The following OSBPL3 variants were observed in gnomAD, a reference collection of about 807,000 sequenced individuals.
The protein encoded by OSBPL3 is oxysterol-binding protein-related protein 3.
In OSBPL3, 65 loss-of-function variants were observed where a neutral mutation model predicts 120.1. The observed-to-expected ratio is 0.54, with a 90% CI of 0.44 to 0.67. The LOEUF is 0.67. OSBPL3 is among the 30% of genes least tolerant of loss of function. OSBPL3 has a pLI of 0.00. For synonymous variants in OSBPL3, 416 were observed against 402.6 expected, an observed-to-expected ratio of 1.03 and a Z score of -0.40; for missense variants, 1,004 against 1,082.1, an observed-to-expected ratio of 0.93 and a Z score of 1.01.
rs1796837115 is a variant in OSBPL3 at position 24,835,073 on chromosome 7, T to G, written c.1496-337A>C. Among the ~76,000 whole-genome samples the G allele has an allele frequency of 6.6e-6, 1 of 152,224 alleles. No homozygotes were observed. The highest frequency in any genetic ancestry group is 2.4e-5 in the African/African-American group (1 of 41,456). ...TTGTTTATAAAAACTTGTAAACTTTTTAAAAAATCACTTTAAATTCTGGTA... is the reference window on the plus strand; with the variant it reads ...TTGTTTATAAAAACTTGTAAACTTTGTAAAAAATCACTTTAAATTCTGGTA... On this transcript the variant is annotated intron_variant, in intron 14 of 22. Transcript: ENST00000313367. The surrounding 1 kb of genome is among the most constrained non-coding windows in gnomAD (Gnocchi z 4.8).
rs1181924999 is a variant in OSBPL3 at position 24,966,647 on chromosome 7, C to G, written c.-150+13239G>C. Among the ~76,000 whole-genome samples, 1 of 152,166 alleles carries G rather than the reference C, an allele frequency of 6.6e-6. No individual in the cohort carries two copies. Among genetic ancestry groups the G allele is most frequent in the Non-Finnish European group, 1.5e-5 (1 of 68,036 alleles). ...TATTATTGGTATCATTCCTTAATGA[C>G]ACACACACAAAACAAAATTAAAGAA... On this transcript the variant is annotated intron_variant, in intron 1 of 22. Transcript: ENST00000313367. The surrounding 1 kb of genome is among the most constrained non-coding windows in gnomAD (Gnocchi z 4.8).
rs1381443875 is a variant in OSBPL3, at chr7:24,802,736, TC to T, written c.2567+1578del. Reference sequence around the variant, plus strand: ...GAACATCTTCATAATTGTACATTTTTCTTTTTTTAAAAAATGAAAATAGACA... The same window carrying T: ...GAACATCTTCATAATTGTACATTTTTTTTTTTTAAAAAATGAAAATAGACA... On this transcript the variant is annotated intron_variant, in intron 22 of 22. Transcript: ENST00000313367. This position sits in a 1 kb window ranked among gnomAD's most constrained non-coding sequence, Gnocchi z 4.1. Among the ~76,000 whole-genome samples the T allele has an allele frequency of 6.6e-6, 1 of 152,190 alleles. No individual in the cohort carries two copies. Among genetic ancestry groups the T allele is most frequent in the African/African-American group, 2.4e-5 (1 of 41,440 alleles).
chr7:24,875,574 A>T (rs1028326801), intron 2 of OSBPL3, among the ~76,000 whole-genome samples: 31 of 152,152 alleles, frequency 2.0e-4, no homozygotes, highest in African/African-American at 7.0e-4. Context: ...ATTTGGACAT[A>T]GTGGCTCATG....
Position 24,840,709 on chromosome 7 carries a change from A to G in OSBPL3, c.1476T>C (p.Asp492=). 7.0e-7 allele frequency: 1 copy of G among 1,433,974 alleles called. No homozygotes were observed. The highest frequency in any genetic ancestry group is 2.4e-5 in the East Asian group (1 of 41,460). 88.8% of individuals were successfully genotyped at this position (1,433,974 alleles called of 1,614,324 possible). The part of the protein sequence containing the change: ...LSLDNLSNDL[D]NERQTLGPVL... ...TCTTACCCAAGGTCTGTCTCTCATT[A>G]TCTAAATCATTACTGAGATTATCTA... The change falls in exon 14 of 23, where the codon GAT becomes GAC. Residue 492 remains aspartate (D), a synonymous_variant. Transcript: ENST00000313367.
chr7:24,837,080 C>T (rs1797096902), intron 14 of OSBPL3, among the ~76,000 whole-genome samples: 1 of 152,188 alleles, frequency 6.6e-6, no homozygotes, highest in Non-Finnish European at 1.5e-5. Context: ...AGTGATCCAC[C>T]CACCTCAGCC....
chr7:24,848,795 G>A (rs1798748896), intron 12 of OSBPL3, among the ~76,000 whole-genome samples: 2 of 152,246 alleles, frequency 1.3e-5, no homozygotes, highest in South Asian at 4.2e-4. Context: ...CTAGTGAAAG[G>A]GGTGACATTT....
chr7:24,908,739 A>G (rs1451580237), intron 1 of OSBPL3, among the ~76,000 whole-genome samples: 1 of 152,192 alleles, frequency 6.6e-6, no homozygotes, highest in Non-Finnish European at 1.5e-5. Context: ...GCTTTTTTAA[A>G]AAGAAATTAC....
rs1389448861 is a variant in OSBPL3, at chr7:24,854,520, AC to A, written c.1028-1887del. 1.3e-5 allele frequency among the ~76,000 whole-genome samples: 2 copies of A among 149,578 alleles called. No homozygotes were observed. Among genetic ancestry groups the A allele is most frequent in the African/African-American group, 4.9e-5 (2 of 40,600 alleles). On this transcript the variant is annotated intron_variant, in intron 10 of 22. Transcript: ENST00000313367. The surrounding 1 kb of genome is among the most constrained non-coding windows in gnomAD (Gnocchi z 4.1). ...CACACACGCACACACACACACACAC[AC>A]ACACACACACACACACAAACACACA... is the stretch of plus-strand genomic sequence containing the variant.
At position 24,809,848 on chromosome 7, in the gene OSBPL3, T is replaced by C. The variant is rs752334895; in HGVS notation, c.2276A>G (p.Tyr759Cys). 9.9e-6 allele frequency: 16 copies of C among 1,614,136 alleles called. No homozygotes were observed. Among genetic ancestry groups the C allele is most frequent in the East Asian group, 4.5e-5 (2 of 44,884 alleles). The change falls in exon 20 of 23, where the codon TAC becomes TGC. Residue 759 changes from tyrosine to cysteine, a missense_variant. By Grantham distance (194) the Tyr-to-Cys change is radical. Transcript: ENST00000313367. ...GGCAGAAGAGGAGCCGCCGCCACAG[T>C]AGATGCTTTCATGCCATTTCCCAAA... is the stretch of plus-strand genomic sequence containing the variant. ...RLFGKWHESI[Y>C]CGGGSSSACV...
intron 12 of OSBPL3, among the ~76,000 whole-genome samples, chr7:24,846,757 A>T (rs1332829843): frequency 6.6e-6 from 1 of 152,218 alleles, no homozygotes; most frequent in Non-Finnish European, 1.5e-5. Flanking sequence ...GATGGGTAAT[A>T]CGTGTGGCTA....
intron 1 of OSBPL3, among the ~76,000 whole-genome samples, chr7:24,948,062 T>C: frequency 6.6e-6 from 1 of 152,230 alleles, no homozygotes; most frequent in South Asian, 2.1e-4. Flanking sequence ...CACAGACCTA[T>C]ATAGAAATCC....
At chr7:24,960,084 T>G (rs1015502698) in intron 1 of OSBPL3, among the ~76,000 whole-genome samples, 1 of 152,162 alleles carries the variant, frequency 6.6e-6, no homozygotes, top group Non-Finnish European at 1.5e-5. Flanking sequence ...AAAAAACCAA[T>G]TATTTATTCC....
chr7:24,926,764 A>T (rs1025531522), intron 1 of OSBPL3, among the ~76,000 whole-genome samples: 1 of 152,188 alleles, frequency 6.6e-6, no homozygotes, highest in Non-Finnish European at 1.5e-5. Flanking sequence ...TACAATAAAG[A>T]TACTTACATG....
rs755449534 is a variant in OSBPL3 at position 24,912,951 on chromosome 7, C to T, written c.-149-20330G>A. On this transcript the variant is annotated intron_variant, in intron 1 of 22. Coordinates refer to ENST00000313367, the MANE Select transcript of OSBPL3 (RefSeq NM_015550.4). The surrounding 1 kb of genome is among the most constrained non-coding windows in gnomAD (Gnocchi z 4.5). ...TGCTTGCCCTTCAACTCAGCCACCACGATGTGAGTAAGCTCAAGCTAGCCA... is the reference window on the plus strand; with the variant it reads ...TGCTTGCCCTTCAACTCAGCCACCATGATGTGAGTAAGCTCAAGCTAGCCA... Among the ~76,000 whole-genome samples the T allele has an allele frequency of 6.6e-6, 1 of 152,148 alleles. No individual in the cohort carries two copies. The highest frequency in any genetic ancestry group is 1.5e-5 in the Non-Finnish European group (1 of 68,036).
At chr7:24,973,916 G>C (rs1035820179) in intron 1 of OSBPL3, among the ~76,000 whole-genome samples, 2 of 152,150 alleles carry the variant, frequency 1.3e-5, no homozygotes, top group Admixed American at 1.3e-4. Flanking sequence ...CAGCTGAAAT[G>C]TAATAGGAGC....
rs2128085308 is a variant in OSBPL3, at chr7:24,799,562, C to T, written c.*621G>A. 1 of 152,308 alleles carries T rather than the reference C, an allele frequency of 6.6e-6. No individual in the cohort carries two copies. Among genetic ancestry groups the T allele is most frequent in the Non-Finnish European group, 1.5e-5 (1 of 68,020 alleles). The allele number at this position is 152,308 out of a possible 1,614,324, so 9.4% of individuals were successfully genotyped here. ...TAGGGAGGAACAAGTTCAAATGCTT[C>T]CTTTTCAAGAAGGTGCCGTATACGT... On this transcript the variant is annotated 3_prime_UTR_variant, in exon 23 of 23. Transcript: ENST00000313367. This position sits in a 1 kb window ranked among gnomAD's most constrained non-coding sequence, Gnocchi z 5.3.
Position 24,834,393 on chromosome 7 carries a change from G to A in OSBPL3, c.1746+93C>T. 1 of 1,522,122 alleles carries A rather than the reference G, an allele frequency of 6.6e-7. No individual in the cohort carries two copies. Among genetic ancestry groups the A allele is most frequent in the Middle Eastern group, 1.8e-4 (1 of 5,624 alleles). The allele number at this position is 1,522,122 out of a possible 1,614,324, so 94.3% of individuals were successfully genotyped here. On this transcript the variant is annotated intron_variant, in intron 15 of 22. Transcript: ENST00000313367. This position sits in a 1 kb window ranked among gnomAD's most constrained non-coding sequence, Gnocchi z 5.2. The stretch of plus-strand genomic sequence containing the variant: ...CGGAACAATCAAAATGAAACCGGAG[G>A]GAACAGGGGCTGTCTCTCTGATGGG...
intron 1 of OSBPL3, among the ~76,000 whole-genome samples, chr7:24,973,825 TA>T (rs1817287218): frequency 6.6e-6 from 1 of 152,150 alleles, no homozygotes; most frequent in Non-Finnish European, 1.5e-5. Flanking sequence ...CTCCAGACTT[TA>T]AAAAAGATGA....
At position 24,922,393 on chromosome 7, in the gene OSBPL3, C is replaced by A. The variant is rs924779779; in HGVS notation, c.-149-29772G>T. Among the ~76,000 whole-genome samples, 1 of 152,118 alleles carries A rather than the reference C, an allele frequency of 6.6e-6. No individual in the cohort carries two copies. Among genetic ancestry groups the A allele is most frequent in the African/African-American group, 2.4e-5 (1 of 41,426 alleles). ...TGCCTTGATATTCTCAACCAGGGAA[C>A]AATTCCCTCTCAGGGGAATTGTATG... On this transcript the variant is annotated intron_variant, in intron 1 of 22. Transcript: ENST00000313367. This position sits in a 1 kb window ranked among gnomAD's most constrained non-coding sequence, Gnocchi z 4.3.
Sources: gnomAD v4.1 joint callset for allele counts (sites outside exome capture counted in the v4.1 genomes callset) on GRCh38, gnomAD v4.1.1 for gene constraint, Gnocchi (gnomAD v3.1) non-coding constraint, MANE v1.5 for transcripts, NCBI Gene and HGNC (gene_info 2026-07-23, HGNC 2026-07-21) for gene names.